HMCN1: variants seen among roughly 807,000 people sequenced by gnomAD.
HMCN1 encodes hemicentin-1.
HMCN1 carries 321 observed loss-of-function variants against 625.9 expected under a neutral mutation model. That is an observed-to-expected ratio of 0.51 (90% CI 0.47 to 0.56). The LOEUF is 0.56. HMCN1 is among the 20% of genes least tolerant of loss of function. The probability of loss-of-function intolerance (pLI) is 0.00; values close to 1 mark genes in which losing one functional copy is unlikely to be tolerated. For missense variants in HMCN1, 6,588 were observed against 6,887.3 expected (o/e 0.96, Z 1.54); for synonymous variants, 2,425 against 2,417.6 (o/e 1.00, Z -0.09).
At chr1:186,178,219 A>G (rs904107971) in intron 103 of HMCN1, among the ~76,000 whole-genome samples, 197 bp from the exon 104 acceptor site, 1 of 152,184 alleles carries the variant, frequency 6.6e-6, no homozygotes, top group African/African-American at 2.4e-5. Context: ...GATTTGCAGA[A>G]TCTGTCCTAT....
At chr1:185,740,967 C>G (rs1571288247) in intron 1 of HMCN1, among the ~76,000 whole-genome samples, 1 of 152,100 alleles carries the variant, frequency 6.6e-6, no homozygotes. Flanking sequence ...GCACTCAAGC[C>G]TGGGCAATAG....
chr1:186,127,255 GA>G (rs1174427556), intron 82 of HMCN1, among the ~76,000 whole-genome samples: 4 of 152,074 alleles, frequency 2.6e-5, no homozygotes, highest in Admixed American at 2.6e-4. Context: ...CAAAGAGTTA[GA>G]ATAAGAAGTT....
At chr1:185,892,385 C>T (rs1377246647) in intron 4 of HMCN1, among the ~76,000 whole-genome samples, 1 of 151,874 alleles carries the variant, frequency 6.6e-6, no homozygotes, top group Non-Finnish European at 1.5e-5. Context: ...AGGAGAGGCG[C>T]TCTGATTTTT....
chr1:186,107,681 C>T (rs1447347746), intron 70 of HMCN1, among the ~76,000 whole-genome samples: 1 of 151,872 alleles, frequency 6.6e-6, no homozygotes, highest in African/African-American at 2.4e-5. Flanking sequence ...TATAAACAGC[C>T]CTGCTATGGA....
intron 4 of HMCN1, among the ~76,000 whole-genome samples, chr1:185,866,315 C>CA (rs1409113316): frequency 6.8e-6 from 1 of 147,300 alleles, no homozygotes; most frequent in South Asian, 2.2e-4. Context: ...ATGTAGTTAT[C>CA]AAAAAACTGA....
intron 17 of HMCN1, 135 bp from the exon 18 acceptor site, chr1:185,982,127 T>G: frequency 1.1e-6 from 1 of 874,312 alleles, no homozygotes; most frequent in Non-Finnish European, 1.9e-6. Flanking sequence ...ATCATACCCA[T>G]TTTCATGTAA....
chr1:186,143,221 G>C (rs1650082724), intron 89 of HMCN1, among the ~76,000 whole-genome samples: 1 of 152,196 alleles, frequency 6.6e-6, no homozygotes, highest in Non-Finnish European at 1.5e-5. Flanking sequence ...AACCAAAGCA[G>C]ACAAATGATA....
rs2102416516 is a variant in HMCN1, at chr1:186,093,120, G to T, written c.9888-14G>T. 6.2e-7 allele frequency: 1 copy of T among 1,613,030 alleles called. No individual in the cohort carries two copies. The highest frequency in any genetic ancestry group is 8.5e-7 in the Non-Finnish European group (1 of 1,179,360). ...AATCTCATCTCAGCCCCTCTGTTAT[G>T]ATCTTTTCCGTAGAGTGAGTGCAAA... On this transcript the variant is annotated splice_polypyrimidine_tract_variant and intron_variant, in intron 64 of 106. Transcript: ENST00000271588.
chr1:186,122,068 A>G (rs1462327010), intron 80 of HMCN1, among the ~76,000 whole-genome samples: 1 of 152,194 alleles, frequency 6.6e-6, no homozygotes, highest in Non-Finnish European at 1.5e-5. Flanking sequence ...TCTTCATGAA[A>G]TGATTGAAAT....
intron 81 of HMCN1, among the ~76,000 whole-genome samples, chr1:186,124,164 TAATAAGTTTCAA>T (rs1661531910): frequency 1.3e-5 from 2 of 152,046 alleles, no homozygotes. Context: ...AAGAAATTGT[TAATAAGTTTCAA>T]AAAGATAGAC....
intron 1 of HMCN1, among the ~76,000 whole-genome samples, chr1:185,772,511 C>T (rs1656313198): frequency 1.3e-5 from 2 of 152,022 alleles, no homozygotes; most frequent in South Asian, 4.1e-4. Flanking sequence ...AAGATGAGTC[C>T]AGGGTTCTTA....
intron 23 of HMCN1, chr1:185,993,522 T>C: frequency 8.0e-6 from 4 of 497,544 alleles, no homozygotes; most frequent in Non-Finnish European, 1.4e-5. Context: ...CTTTATCAAA[T>C]AAACTATGTT....
chr1:186,108,374 T>G (rs753108819), intron 70 of HMCN1, 87 bp from the exon 71 acceptor site: 42 of 1,588,190 alleles, frequency 2.6e-5, no homozygotes, highest in Non-Finnish European at 3.5e-5. Flanking sequence ...ATTTTATGCC[T>G]CTTATTATTT....
At chr1:185,864,669 G>T in intron 3 of HMCN1, 41 bp downstream of exon 3, 1 of 1,586,980 alleles carries the variant, frequency 6.3e-7, no homozygotes, top group Non-Finnish European at 8.6e-7. Context: ...TCTAAATGCA[G>T]TATGTAAGAG....
intron 93 of HMCN1, among the ~76,000 whole-genome samples, chr1:186,148,260 T>A (rs1050171085): frequency 5.9e-5 from 9 of 152,214 alleles, no homozygotes; most frequent in African/African-American, 2.2e-4. Flanking sequence ...TAGGATATAC[T>A]TCTAATTCTC....
intron 24 of HMCN1, among the ~76,000 whole-genome samples, chr1:185,996,597 G>A (rs1328893911): frequency 1.3e-5 from 2 of 152,134 alleles, no homozygotes; most frequent in African/African-American, 4.8e-5. Context: ...CATTCGGCTA[G>A]AGAAGACAAG....
chr1:186,174,464 T>A, intron 102 of HMCN1, 50 bp from the exon 103 acceptor site: 1 of 1,608,044 alleles, frequency 6.2e-7, no homozygotes, highest in Non-Finnish European at 8.5e-7. Context: ...ATACAATGAC[T>A]TTGGGTTTGA....
chr1:185,854,013 T>C (rs1270559888), intron 2 of HMCN1, among the ~76,000 whole-genome samples: 10 of 152,340 alleles, frequency 6.6e-5, no homozygotes, highest in African/African-American at 1.9e-4. Context: ...CAACAGATTG[T>C]TCTATTCCCC....
chr1:185,925,181 C>T lies in HMCN1; in HGVS notation c.1420C>T (p.Gln474Ter), dbSNP rs1667218506. 1 of 1,613,194 alleles carries T rather than the reference C, an allele frequency of 6.2e-7. No individual in the cohort carries two copies. Among genetic ancestry groups the T allele is most frequent in the African/African-American group, 1.3e-5 (1 of 74,844 alleles). The change falls in exon 9 of 107, where the codon CAG (glutamine) becomes TAG (stop). Residue 474 changes from glutamine to a stop codon, truncating the protein, a stop_gained. Transcript: ENST00000271588. LOFTEE classifies it high-confidence loss of function. ...VRNGVTLGVD[Q>*]YLKESASVNL... ...AAATGGAGTTACACTTGGAGTAGAC[C>T]AGTATTTGAAGTAGGTACATGTTTC...
Sources: gnomAD v4.1 joint callset for allele counts (sites outside exome capture counted in the v4.1 genomes callset) on GRCh38, gnomAD v4.1.1 for gene constraint, MANE v1.5 for transcripts, NCBI Gene and HGNC (gene_info 2026-07-23, HGNC 2026-07-21) for gene names.